The following MPPED1 variants were observed in gnomAD, a reference collection of about 807,000 sequenced individuals.
MPPED1 encodes the protein metallophosphoesterase domain-containing protein 1.
A neutral mutation model predicts 36.2 loss-of-function variants in MPPED1; 16 were observed. That is an observed-to-expected ratio of 0.44 (90% CI 0.30 to 0.67). The LOEUF is 0.67. Ranked by LOEUF, MPPED1 falls within the 30% of genes least tolerant of loss-of-function variation. The pLI, the probability that MPPED1 is intolerant of heterozygous loss-of-function variation, is 0.10. For synonymous variants in MPPED1, 199 were observed against 191.3 expected, an observed-to-expected ratio of 1.04 and a Z score of -0.33; for missense variants, 307 against 453.4, an observed-to-expected ratio of 0.68 and a Z score of 2.93.
intron 4 of MPPED1, among the ~76,000 whole-genome samples, chr22:43,491,463 ATGGAGGTGGTGGTGGTG>A (rs1932080354): frequency 2.0e-5 from 3 of 148,322 alleles, no homozygotes; most frequent in Non-Finnish European, 3.0e-5. Context: ...GGTGGTGGTG[ATGGAGGTGGTGGTGGTG>A]GTGATGGAGG....
At chr22:43,478,129 C>T (rs772240604) in intron 4 of MPPED1, among the ~76,000 whole-genome samples, 1 of 152,218 alleles carries the variant, frequency 6.6e-6, no homozygotes, top group African/African-American at 2.4e-5. Context: ...AGGGCACCCG[C>T]GGGGTGGCCC....
At chr22:43,415,225 CAAAAAAAAAAAA>C (rs34357060) in intron 1 of MPPED1, among the ~76,000 whole-genome samples, 3,912 of 49,604 alleles carry the variant, frequency 0.079, 146 homozygotes, top group Admixed American at 0.14. Flanking sequence ...ATGTCAAAAG[CAAAAAAAAAAAA>C]AAAAAAAAAA....
At chr22:43,426,872 G>A (rs941110557) in intron 2 of MPPED1, among the ~76,000 whole-genome samples, 6 of 152,240 alleles carry the variant, frequency 3.9e-5, no homozygotes, top group Non-Finnish European at 7.3e-5. Flanking sequence ...TTTGGAGCCC[G>A]ATTGGCGGGT....
chr22:43,467,346 G>A (rs548908317), intron 3 of MPPED1, among the ~76,000 whole-genome samples: 117 of 152,224 alleles, frequency 7.7e-4, no homozygotes, highest in Non-Finnish European at 1.4e-3. Context: ...TTCTGCAGGC[G>A]CAGCCCTGCA....
chr22:43,483,514 T>C (rs893579186), intron 4 of MPPED1, among the ~76,000 whole-genome samples: 3 of 152,288 alleles, frequency 2.0e-5, no homozygotes, highest in African/African-American at 7.2e-5. Context: ...TGCCTCCTCC[T>C]GTCTCTGCGT....
At chr22:43,478,128 G>A (rs1020720472) in intron 4 of MPPED1, among the ~76,000 whole-genome samples, 4 of 152,344 alleles carry the variant, frequency 2.6e-5, no homozygotes, top group East Asian at 1.9e-4. Flanking sequence ...CAGGGCACCC[G>A]CGGGGTGGCC....
intron 3 of MPPED1, among the ~76,000 whole-genome samples, chr22:43,470,390 A>G (rs1220236442): frequency 6.6e-6 from 1 of 151,764 alleles, no homozygotes; most frequent in Non-Finnish European, 1.5e-5. Context: ...CCATTCATCC[A>G]CTCATCCATC....
rs975165332 is a variant in MPPED1 at position 43,424,910 on chromosome 22, T to C, written c.-76T>C. ...ACGGTTCTGCTCCGTCTCCTCAGTCTGTTTCCAGGTCTGGCGGGGGGCCGG... is the reference window on the plus strand; with the variant it reads ...ACGGTTCTGCTCCGTCTCCTCAGTCCGTTTCCAGGTCTGGCGGGGGGCCGG... On this transcript the variant is annotated splice_region_variant and 5_prime_UTR_variant, in exon 2 of 7. Transcript: ENST00000443721. The C allele has an allele frequency of 6.5e-7, 1 of 1,533,248 alleles. No individual in the cohort carries two copies. The highest frequency in any genetic ancestry group is 1.4e-5 in the African/African-American group (1 of 72,916). The allele number at this position is 1,533,248 out of a possible 1,614,324, so 95.0% of individuals were successfully genotyped here. A position where few individuals can be genotyped will look rare whatever the true frequency, so the allele number is the denominator to read the frequency against.
intron 2 of MPPED1, among the ~76,000 whole-genome samples, chr22:43,434,034 G>A (rs1352895359): frequency 6.6e-6 from 1 of 152,186 alleles, no homozygotes; most frequent in East Asian, 1.9e-4. Context: ...CAGGGTCTTA[G>A]CCCACGTCCA....
In MPPED1 at chr22:43,505,544, C is replaced by T. The variant is rs753504157; in HGVS notation, c.909C>T (p.Ser303=). 2.5e-6 allele frequency: 4 copies of T among 1,612,616 alleles called. No individual in the cohort carries two copies. The highest frequency in any genetic ancestry group is 1.7e-4 in the Middle Eastern group (1 of 6,060). The change falls in exon 7 of 7, where the codon TCC becomes TCT. Residue 303 remains serine, a synonymous_variant. Transcript: ENST00000443721. ...GGACGACCACCTATGTGAATGCGTC[C>T]GTATGCACTGTGAACTACCAGCCCG... ...ADGTTTYVNA[S]VCTVNYQPVN...
chr22:43,475,813 G>C (rs887588527), intron 4 of MPPED1, among the ~76,000 whole-genome samples: 3 of 141,058 alleles, frequency 2.1e-5, no homozygotes, highest in Admixed American at 7.1e-5. Context: ...TGGTGGTGGT[G>C]TGATGATGAT....
rs115653019 is a variant in MPPED1, at chr22:43,472,773, C to T, written c.407-1963C>T. The stretch of plus-strand genomic sequence containing the variant: ...GCCAGGCTGGGACCTGGCCATTTGC[C>T]GTGGCCATAGGGCACGTGGTTAGAC... On this transcript the variant is annotated intron_variant, in intron 3 of 6. Transcript: ENST00000443721. Among the ~76,000 whole-genome samples, 956 of 148,150 alleles carry T rather than the reference C, an allele frequency of 6.5e-3. 8 individuals carry two copies. The highest frequency in any genetic ancestry group is 0.024 in the African/African-American group (910 of 37,644).
chr22:43,497,154 T>C (rs143107308), intron 4 of MPPED1, among the ~76,000 whole-genome samples: 59,379 of 149,580 alleles, frequency 0.4, 13,961 homozygotes, highest in Admixed American at 0.54. Context: ...GTACTAGTAA[T>C]GGAGGTGGTG....
chr22:43,427,691 G>T (rs955003329), intron 2 of MPPED1, among the ~76,000 whole-genome samples: 1 of 152,180 alleles, frequency 6.6e-6, no homozygotes, highest in Non-Finnish European at 1.5e-5. Context: ...GACCTTGGGC[G>T]CTGAGCTTGC....
intron 6 of MPPED1, 110 bp from the exon 7 acceptor site, chr22:43,505,387 GC>G: frequency 1.2e-6 from 1 of 841,476 alleles, no homozygotes. Context: ...TTACCAGCTT[GC>G]CCCAAACACA....
intron 4 of MPPED1, among the ~76,000 whole-genome samples, chr22:43,483,068 G>A (rs1166921089): frequency 2.0e-5 from 3 of 152,256 alleles, no homozygotes; most frequent in Admixed American, 6.5e-5. Context: ...CAGCAGGGAA[G>A]TGTCTTGTGT....
chr22:43,425,411 C>A lies in MPPED1; in HGVS notation c.224+202C>A, dbSNP rs758076850. Among the ~76,000 whole-genome samples, 29 of 152,352 alleles carry A rather than the reference C, an allele frequency of 1.9e-4. 1 individual carries two copies. The Middle Eastern group carries it at 0.01, about 54-fold the overall frequency. ...AGTTGCAGATGGATGGCCTGTGGGC[C>A]GATTCTGGCCGCAGTCCTGTTTCAC... On this transcript the variant is annotated intron_variant, in intron 2 of 6. Transcript: ENST00000443721.
At chr22:43,469,900 A>G (rs72487672) in intron 3 of MPPED1, among the ~76,000 whole-genome samples, 2,872 of 147,788 alleles carry the variant, frequency 0.019, 55 homozygotes, top group East Asian at 0.11. Flanking sequence ...TAAACCATCT[A>G]TCCGTCCATC....
intron 3 of MPPED1, among the ~76,000 whole-genome samples, chr22:43,464,583 T>C (rs1931096419): frequency 1.3e-5 from 2 of 152,072 alleles, no homozygotes; most frequent in African/African-American, 4.8e-5. Flanking sequence ...TCCCCACTTT[T>C]GTGGGGATGA....
Sources: gnomAD v4.1 joint callset for allele counts (sites outside exome capture counted in the v4.1 genomes callset) on GRCh38, gnomAD v4.1.1 for gene constraint, MANE v1.5 for transcripts, NCBI Gene and HGNC (gene_info 2026-07-23, HGNC 2026-07-21) for gene names.